Variants in DLG3 observed in about 807,000 individuals in gnomAD.
DLG3 encodes discs large MAGUK scaffold protein 3.
Under a neutral mutation model 64.1 loss-of-function variants are expected in DLG3, and 1 was observed. That is an observed-to-expected ratio of 0.02 (90% CI 0.01 to 0.07). DLG3 has a LOEUF of 0.07. Ranked by LOEUF, DLG3 falls within the 10% of genes least tolerant of loss-of-function variation. DLG3 has a pLI of 1.00. For synonymous variants in DLG3, 245 were observed against 259.8 expected (o/e 0.94, Z 0.55); for missense variants, 429 against 669.5 (o/e 0.64, Z 3.96).
Position 70,504,208 on chromosome X carries a change from A to T in DLG3, c.*1939A>T. The T allele has an allele frequency of 8.9e-6, 1 of 111,767 alleles. No homozygotes were observed. The highest frequency in any genetic ancestry group is 1.9e-5 in the Non-Finnish European group (1 of 53,128). 9.2% of individuals were successfully genotyped at this position (111,767 alleles called of 1,213,427 possible). On this transcript the variant is annotated 3_prime_UTR_variant, in exon 19 of 19. Transcript: ENST00000374360. ...TGAGGAGGGGTGAGCAGGGAGGTTGATTCTCTGATGTTAACTAAGTGGCAA... is the reference window on the plus strand; with the variant it reads ...TGAGGAGGGGTGAGCAGGGAGGTTGTTTCTCTGATGTTAACTAAGTGGCAA...
chrX:70,485,512 A>T (rs2087238527), intron 10 of DLG3, among the ~76,000 whole-genome samples: 1 of 111,433 alleles, frequency 9.0e-6, no homozygotes, highest in Non-Finnish European at 1.9e-5. Context: ...ATCTCAGGCT[A>T]TAGACAGATG....
At chrX:70,476,843 T>C (rs1334554670) in intron 9 of DLG3, among the ~76,000 whole-genome samples, 1 of 112,789 alleles carries the variant, frequency 8.9e-6, no homozygotes. Context: ...CTGCTCTGCC[T>C]AGTAGACTTT....
At chrX:70,478,375 T>A (rs1247065785) in intron 9 of DLG3, among the ~76,000 whole-genome samples, 1 of 111,891 alleles carries the variant, frequency 8.9e-6, no homozygotes, top group African/African-American at 3.3e-5. Flanking sequence ...TTTCCAGCTG[T>A]TGTGATGGTC....
At chrX:70,488,114 C>T (rs984785574) in intron 10 of DLG3, among the ~76,000 whole-genome samples, 5 of 109,449 alleles carry the variant, frequency 4.6e-5, no homozygotes, top group Middle Eastern at 4.7e-3. Flanking sequence ...TGGGTTCAAG[C>T]GATTCTCCTG....
chrX:70,494,137 A>G (rs991608022), intron 12 of DLG3, among the ~76,000 whole-genome samples: 3 of 112,687 alleles, frequency 2.7e-5, no homozygotes, highest in African/African-American at 9.7e-5. Context: ...ATAAAGATCT[A>G]TTGAGAAACA....
chrX:70,483,416 C>T (rs1240100079), intron 10 of DLG3, among the ~76,000 whole-genome samples: 1 of 112,996 alleles, frequency 8.8e-6, no homozygotes, highest in African/African-American at 3.2e-5. Context: ...TGGTCCCTGC[C>T]CTCTGGCAGT....
chrX:70,492,887 T>A (rs1329757275), intron 12 of DLG3, among the ~76,000 whole-genome samples: 2 of 111,538 alleles, frequency 1.8e-5, no homozygotes, highest in Non-Finnish European at 3.8e-5. Flanking sequence ...CTCGTGGGTG[T>A]CTCCCTGGCT....
At chrX:70,500,797 G>T in intron 17 of DLG3, 101 bp from the exon 18 acceptor site, 1 of 850,263 alleles carries the variant, frequency 1.2e-6, no homozygotes. Flanking sequence ...GCTGCTCTGA[G>T]AGGGCAGCTT....
intron 9 of DLG3, among the ~76,000 whole-genome samples, chrX:70,472,640 G>T (rs1303814086): frequency 8.9e-6 from 1 of 111,925 alleles, no homozygotes; most frequent in Admixed American, 9.5e-5. Context: ...AGCTGGTTTG[G>T]ATGCTGTAAG....
At chrX:70,498,335 G>A (rs145300958) in intron 13 of DLG3, among the ~76,000 whole-genome samples, 185 bp from the exon 14 acceptor site, 1 of 112,395 alleles carries the variant, frequency 8.9e-6, no homozygotes, top group Non-Finnish European at 1.9e-5. Flanking sequence ...GAGAACTGCT[G>A]ACTCCTGTCT....
At chrX:70,452,337 T>C in intron 7 of DLG3, 2 of 1,005,730 alleles carry the variant, frequency 2.0e-6, no homozygotes, top group Non-Finnish European at 2.5e-6. Context: ...CGGAGTTTCC[T>C]GCCCTGAGAT....
chrX:70,460,743 AT>A (rs1209028464), intron 9 of DLG3, among the ~76,000 whole-genome samples: 3 of 111,187 alleles, frequency 2.7e-5, no homozygotes, highest in Non-Finnish European at 5.7e-5. Context: ...TCATCTCCCC[AT>A]CCCCCTCATG....
At chrX:70,495,984 C>G (rs1442329314) in intron 13 of DLG3, among the ~76,000 whole-genome samples, 1 of 111,875 alleles carries the variant, frequency 8.9e-6, no homozygotes, top group Non-Finnish European at 1.9e-5. Flanking sequence ...TCCCACAGAG[C>G]ACCTGTAAGG....
chrX:70,451,790 G>A, intron 6 of DLG3, 77 bp from the exon 7 acceptor site: 1 of 1,133,595 alleles, frequency 8.8e-7, no homozygotes, highest in Non-Finnish European at 1.2e-6. Context: ...AGTGGGGTGT[G>A]GGGGAAAGTC....
chrX:70,453,814 T>C, intron 8 of DLG3, 21 bp downstream of exon 8: 1 of 1,152,231 alleles, frequency 8.7e-7, no homozygotes, highest in Non-Finnish European at 1.2e-6. Context: ...AAAGGAGAGG[T>C]GGGAGGATGG....
At chrX:70,467,697 T>C (rs1451139021) in intron 9 of DLG3, among the ~76,000 whole-genome samples, 2 of 112,448 alleles carry the variant, frequency 1.8e-5, no homozygotes, top group Non-Finnish European at 3.7e-5. Flanking sequence ...TACTGTGTTA[T>C]AGTATCTCTG....
intron 10 of DLG3, among the ~76,000 whole-genome samples, chrX:70,484,526 T>C (rs1319390620): frequency 9.0e-6 from 1 of 111,493 alleles, no homozygotes. Context: ...CACTAGCTGA[T>C]AGAATTTGGG....
Position 70,445,436 on chromosome X carries a change from G to T in DLG3, c.235G>T (p.Gly79Cys). ...CACCAAGGCCAAGCTCATCCCCACC[G>T]GCCGGGATGTGGGGCCGGTGCCTCC... ...PRTKAKLIPT[G>C]RDVGPVPPKP... Residue 79 changes from glycine (G) to cysteine (C), a missense_variant, in exon 1 of 19, where the codon GGC becomes TGC. Coordinates refer to ENST00000374360, the MANE Select transcript of DLG3 (RefSeq NM_021120.4). 1 of 1,200,754 alleles carries T rather than the reference G, an allele frequency of 8.3e-7. No homozygotes were observed. The highest frequency in any genetic ancestry group is 1.1e-6 in the Non-Finnish European group (1 of 890,516).
At chrX:70,480,580 A>G (rs1165124175) in intron 10 of DLG3, among the ~76,000 whole-genome samples, 3 of 111,941 alleles carry the variant, frequency 2.7e-5, no homozygotes, top group Non-Finnish European at 5.6e-5. Context: ...CCCGGAAAGG[A>G]AAGTTTTGTT....
Sources: allele counts gnomAD v4.1 joint callset (sites outside exome capture counted in the v4.1 genomes callset), GRCh38; gene constraint gnomAD v4.1.1; transcripts MANE v1.5; gene names NCBI Gene and HGNC (gene_info 2026-07-23, HGNC 2026-07-21).